Variants in MAP4 observed in about 807,000 individuals in gnomAD.
MAP4 encodes microtubule-associated protein 4.
MAP4 carries 76 observed loss-of-function variants against 170.2 expected under a neutral mutation model. The ratio of observed to expected loss-of-function variants is 0.45; its 90% CI spans 0.37 to 0.54. The LOEUF (loss-of-function observed/expected upper bound fraction) is 0.54, where lower values mean the gene tolerates loss of function less well. Ranked by LOEUF, MAP4 falls within the 20% of genes least tolerant of loss-of-function variation. The pLI, the probability that MAP4 is intolerant of heterozygous loss-of-function variation, is 0.00. For synonymous variants in MAP4, 909 were observed against 994.5 expected (o/e 0.91, Z 1.62); for missense variants, 2,506 against 2,748.0 (o/e 0.91, Z 1.97).
intron 9 of MAP4, 109 bp from the exon 10 acceptor site, chr3:47,903,109 G>T: frequency 4.7e-6 from 1 of 210,622 alleles, no homozygotes; most frequent in Non-Finnish European, 8.2e-6. Context: ...TAGCAGCATA[G>T]CAAGTACACT....
chr3:47,868,515 G>A (rs2084684189), intron 16 of MAP4, among the ~76,000 whole-genome samples: 1 of 152,144 alleles, frequency 6.6e-6, no homozygotes, highest in Non-Finnish European at 1.5e-5. Context: ...GTCCCTAAGG[G>A]CTGGAGTGCG....
intron 10 of MAP4, chr3:47,892,040 C>A: frequency 6.5e-7 from 1 of 1,536,190 alleles, no homozygotes; most frequent in Admixed American, 2.0e-5. Context: ...TCCATTCTTC[C>A]CTGCCACCTT....
At chr3:47,880,259 AT>A (rs35700801) in intron 10 of MAP4, among the ~76,000 whole-genome samples, 20,655 of 106,372 alleles carry the variant, frequency 0.19, 2,249 homozygotes, top group African/African-American at 0.4. Context: ...CACCTGGCTA[AT>A]TTTTTTTTTT....
intron 8 of MAP4, 147 bp downstream of exon 8, chr3:47,914,670 C>A: frequency 1.1e-6 from 1 of 890,190 alleles, no homozygotes; most frequent in South Asian, 2.1e-5. Flanking sequence ...TCTGTCTAAA[C>A]CAGATAAAAT....
At chr3:47,993,238 C>A (rs1479523988) in intron 2 of MAP4, among the ~76,000 whole-genome samples, 1 of 152,126 alleles carries the variant, frequency 6.6e-6, no homozygotes, top group African/African-American at 2.4e-5. Flanking sequence ...ACAGGAGGAT[C>A]ACTTGAGCCC....
chr3:47,969,409 G>A (rs1019454654), intron 3 of MAP4, among the ~76,000 whole-genome samples: 2 of 94,578 alleles, frequency 2.1e-5, no homozygotes, highest in South Asian at 4.5e-4. Flanking sequence ...TCTGTCTCGC[G>A]GGGCGCGGGG....
At position 47,909,868 on chromosome 3, in the gene MAP4, G is replaced by A; in HGVS notation, c.4553C>T (p.Thr1518Ile). ...AGAGTGATCTCCATGAATGTTAACT[G>A]TTTCTATGGCTGTTGTAATAGGTAG... ...VALPITTAIE[T>I]VNIHGDHSLK... The change falls in exon 9 of 21, where the codon ACA (threonine) becomes ATA (isoleucine). Residue 1518 changes from threonine (T) to isoleucine (I), a missense_variant. Physicochemically the swap from Thr to Ile is moderately conservative, Grantham distance 89 (BLOSUM62 -1). Transcript: ENST00000683076. 1 of 1,613,994 alleles carries A rather than the reference G, an allele frequency of 6.2e-7. No individual in the cohort carries two copies.
intron 1 of MAP4, among the ~76,000 whole-genome samples, chr3:48,085,472 AT>A (rs2100148598): frequency 6.6e-6 from 1 of 152,222 alleles, no homozygotes; most frequent in Admixed American, 6.5e-5. Flanking sequence ...AAATTTGAAA[AT>A]TTTAACAAAG....
At chr3:47,886,207 G>C (rs1033676599) in intron 10 of MAP4, among the ~76,000 whole-genome samples, 6 of 152,220 alleles carry the variant, frequency 3.9e-5, no homozygotes, top group Non-Finnish European at 8.8e-5. Context: ...ACAAATAAAT[G>C]TAACTGTGCA....
At chr3:47,913,547 A>C (rs2100037023) in intron 8 of MAP4, among the ~76,000 whole-genome samples, 1 of 152,212 alleles carries the variant, frequency 6.6e-6, no homozygotes, top group Admixed American at 6.5e-5. Flanking sequence ...TTCATGCCTG[A>C]GAACTTATCT....
chr3:48,045,258 CAAA>C (rs34377968), intron 1 of MAP4, among the ~76,000 whole-genome samples: 3 of 102,170 alleles, frequency 2.9e-5, no homozygotes, highest in Non-Finnish European at 1.9e-5. Flanking sequence ...GACTCAGTCT[CAAA>C]AAAAAAAAAA....
chr3:47,915,569 G>A (rs1390557592), intron 7 of MAP4, among the ~76,000 whole-genome samples: 1 of 152,146 alleles, frequency 6.6e-6, no homozygotes, highest in African/African-American at 2.4e-5. Flanking sequence ...TGGAATCTAG[G>A]GCAAAATGAG....
intron 17 of MAP4, among the ~76,000 whole-genome samples, chr3:47,861,276 A>AAC (rs1167068277): frequency 7.2e-5 from 11 of 151,866 alleles, no homozygotes; most frequent in Non-Finnish European, 1.6e-4. Flanking sequence ...AGAATTCTTG[A>AAC]ACCCAGGAGG....
intron 3 of MAP4, 55 bp from the exon 4 acceptor site, chr3:47,928,405 C>T (rs984834876): frequency 1.9e-6 from 3 of 1,565,040 alleles, no homozygotes; most frequent in Non-Finnish European, 1.8e-6. Flanking sequence ...TTCTCCTCCA[C>T]TACAGTGGAA....
In MAP4 at chr3:47,916,911, T is replaced by C. The variant is rs1258781370; in HGVS notation, c.916A>G (p.Met306Val). Reference sequence around the variant, plus strand: ...ACTTCTTTTTCTGTGGGTAGTTCCATGTCCTTGACTAGGGCCATATCTGAT... The same window carrying C: ...ACTTCTTTTTCTGTGGGTAGTTCCACGTCCTTGACTAGGGCCATATCTGAT... ...MESDMALVKD[M>V]ELPTEKEVAL... Residue 306 changes from methionine (M) to valine (V), a missense_variant, in exon 7 of 21, where the codon ATG becomes GTG. This residue lies in a region of MAP4 where 2,008 missense variants were observed against 2,206.0 expected (regional missense o/e 0.91). Coordinates refer to ENST00000683076, the MANE Select transcript of MAP4 (RefSeq NM_001385682.1). 1.9e-6 allele frequency: 3 copies of C among 1,614,256 alleles called. No homozygotes were observed. Among genetic ancestry groups the C allele is most frequent in the Admixed American group, 1.7e-5 (1 of 60,032 alleles).
chr3:48,060,869 C>T (rs1023884683), intron 1 of MAP4, among the ~76,000 whole-genome samples: 2 of 152,026 alleles, frequency 1.3e-5, no homozygotes, highest in South Asian at 2.1e-4. Context: ...ATTTTTGAGA[C>T]GGAGTCTCAC....
At chr3:48,087,739 GCACGCGCACA>G (rs2100149955) in intron 1 of MAP4, among the ~76,000 whole-genome samples, 2 of 59,538 alleles carry the variant, frequency 3.4e-5, no homozygotes, top group African/African-American at 1.4e-4. Context: ...GCACACACAC[GCACGCGCACA>G]CACACACACA....
intron 9 of MAP4, among the ~76,000 whole-genome samples, chr3:47,905,919 G>C (rs998974385): frequency 2.6e-5 from 4 of 151,894 alleles, no homozygotes; most frequent in Non-Finnish European, 5.9e-5. Flanking sequence ...GCTTGAACCT[G>C]GGAGGTGGAG....
intron 1 of MAP4, among the ~76,000 whole-genome samples, chr3:48,035,516 C>A (rs1199229351): frequency 6.6e-6 from 1 of 152,008 alleles, no homozygotes; most frequent in African/African-American, 2.4e-5. Context: ...TGCCTGTGGT[C>A]CCAGCTACTC....
Sources: gnomAD v4.1 joint callset for allele counts (sites outside exome capture counted in the v4.1 genomes callset) on GRCh38, gnomAD v4.1.1 for gene constraint, gnomAD v4.1.1 regional missense constraint, MANE v1.5 for transcripts, NCBI Gene and HGNC (gene_info 2026-07-23, HGNC 2026-07-21) for gene names.